The following GREM1 variants were observed in gnomAD, a reference collection of about 807,000 sequenced individuals.
GREM1 encodes gremlin-1.
GREM1 carries 6 observed loss-of-function variants against 13.1 expected under a neutral mutation model. The ratio of observed to expected loss-of-function variants is 0.46; its 90% confidence interval spans 0.25 to 0.91. The LOEUF is 0.91. Among genes scored for constraint, GREM1 ranks in the 40% least tolerant of loss-of-function variants. GREM1 has a pLI of 0.18. For missense variants in GREM1, 185 were observed against 233.9 expected, an observed-to-expected ratio of 0.79 and a Z score of 1.36; for synonymous variants, 98 against 93.7, an observed-to-expected ratio of 1.05 and a Z score of -0.27.
Position 32,731,250 on chromosome 15 carries a change from A to C in GREM1, c.*5A>C. ...ATATCCATCGATTTGGATTAAGCCA[A>C]ATCCAGGTGCACCCAGCATGTCCTA... On this transcript the variant is annotated 3_prime_UTR_variant, in exon 2 of 2. Transcript: ENST00000651154. 1 of 1,607,554 alleles carries C rather than the reference A, an allele frequency of 6.2e-7. No individual in the cohort carries two copies. The highest frequency in any genetic ancestry group is 1.3e-5 in the African/African-American group (1 of 74,932).
In GREM1 at chr15:32,731,816, C is replaced by A; in HGVS notation, c.*571C>A. ...TAAATTAATTCACTTAACCATGATG[C>A]AAATGTTTTTCATTTTGTGAAGACC... On this transcript the variant is annotated 3_prime_UTR_variant, in exon 2 of 2. Coordinates refer to ENST00000651154, the MANE Select transcript of GREM1 (RefSeq NM_013372.7). The A allele has an allele frequency of 4.3e-6, 1 of 233,530 alleles. No individual in the cohort carries two copies. The highest frequency in any genetic ancestry group is 9.2e-6 in the Non-Finnish European group (1 of 109,128). 14.5% of individuals were successfully genotyped at this position (233,530 alleles called of 1,614,324 possible). A position where few individuals can be genotyped will look rare whatever the true frequency, so the allele number is the denominator to read the frequency against.
chr15:32,737,724 C>A lies in GREM1; in HGVS notation c.*6479C>A, dbSNP rs568339406. 6.6e-6 allele frequency: 1 copy of A among 151,380 alleles called. No individual in the cohort carries two copies. The highest frequency in any genetic ancestry group is 1.5e-5 in the Non-Finnish European group (1 of 67,900). 9.4% of individuals were successfully genotyped at this position (151,380 alleles called of 1,614,324 possible). On this transcript the variant is annotated 3_prime_UTR_variant, in exon 2 of 2. Transcript: ENST00000651154. ...GGCGGATCACCTGAGGTCAGGAGTT[C>A]GAGACCAACCTGACCAACATGGAGA...
intron 1 of GREM1, among the ~76,000 whole-genome samples, chr15:32,727,522 A>G (rs1359120079): frequency 6.6e-6 from 1 of 152,224 alleles, no homozygotes; most frequent in African/African-American, 2.4e-5. Context: ...ATTTATGACA[A>G]ACCCACAGCC....
Position 32,735,342 on chromosome 15 carries a change from TCTCA to T in GREM1, c.*4102_*4105del, listed in dbSNP as rs1035886965. ...TGCTAAGGATTTTCTTTGAATTGTT[TCTCA>T]CTCAATCTTCACGGTAGCTCAGTGA... On this transcript the variant is annotated 3_prime_UTR_variant, in exon 2 of 2. Coordinates refer to ENST00000651154, the MANE Select transcript of GREM1 (RefSeq NM_013372.7). The T allele has an allele frequency of 6.6e-5, 10 of 152,192 alleles. No individual in the cohort carries two copies. Among genetic ancestry groups the T allele is most frequent in the Non-Finnish European group, 1.3e-4 (9 of 68,034 alleles). The allele number at this position is 152,192 out of a possible 1,614,324, so 9.4% of individuals were successfully genotyped here. A position where few individuals can be genotyped will look rare whatever the true frequency, so the allele number is the denominator to read the frequency against.
At position 32,738,855 on chromosome 15, in the gene GREM1, C is replaced by T. The variant is rs2055736997; in HGVS notation, c.*7610C>T. Reference sequence around the variant, plus strand: ...GTGTGGTAACATGCACCTGTTGTCCCAGCTACTTAGGAGGCTGAGGCATGA... The same window carrying T: ...GTGTGGTAACATGCACCTGTTGTCCTAGCTACTTAGGAGGCTGAGGCATGA... On this transcript the variant is annotated 3_prime_UTR_variant, in exon 2 of 2. Transcript: ENST00000651154. 6.6e-6 allele frequency: 1 copy of T among 152,130 alleles called. No homozygotes were observed. The highest frequency in any genetic ancestry group is 2.4e-5 in the African/African-American group (1 of 41,418). The allele number at this position is 152,130 out of a possible 1,614,324, so 9.4% of individuals were successfully genotyped here. A position where few individuals can be genotyped will look rare whatever the true frequency, so the allele number is the denominator to read the frequency against.
At chr15:32,728,399 T>A (rs1189218791) in intron 1 of GREM1, among the ~76,000 whole-genome samples, 1 of 152,226 alleles carries the variant, frequency 6.6e-6, no homozygotes, top group Non-Finnish European at 1.5e-5. Flanking sequence ...AAACCTACAG[T>A]TGGAGCAGAA....
At chr15:32,730,026 G>C (rs745826847) in intron 1 of GREM1, among the ~76,000 whole-genome samples, 2 of 152,206 alleles carry the variant, frequency 1.3e-5, no homozygotes, top group Non-Finnish European at 2.9e-5. Flanking sequence ...TCTGAACAGC[G>C]TACCTGGGGA....
intron 1 of GREM1, among the ~76,000 whole-genome samples, chr15:32,729,844 G>A (rs936707962): frequency 1.1e-4 from 11 of 95,722 alleles, no homozygotes; most frequent in Non-Finnish European, 3.1e-4. Flanking sequence ...AATGTATATC[G>A]TGGTACAAAG....
intron 1 of GREM1, among the ~76,000 whole-genome samples, chr15:32,724,420 G>A (rs1348687613): frequency 6.6e-6 from 1 of 152,216 alleles, no homozygotes; most frequent in African/African-American, 2.4e-5. Flanking sequence ...GCCATCCCAT[G>A]TACTCCTCCT....
At position 32,718,084 on chromosome 15, in the gene GREM1, C is replaced by T; in HGVS notation, c.-79C>T. ...TCGGTCCCGCTGACCCCGCGCCGAG[C>T]CCCGGCGGCTCTGGCCGCGGCCGCA... is the stretch of plus-strand genomic sequence containing the variant. On this transcript the variant is annotated 5_prime_UTR_variant, in exon 1 of 2. Transcript: ENST00000651154. The T allele has an allele frequency of 8.2e-7, 1 of 1,220,554 alleles. No homozygotes were observed. The allele number at this position is 1,220,554 out of a possible 1,614,324, so 75.6% of individuals were successfully genotyped here.
intron 1 of GREM1, chr15:32,718,654 G>A (rs1009947341): frequency 9.4e-5 from 34 of 362,066 alleles, no homozygotes; most frequent in Middle Eastern, 1.5e-3. Flanking sequence ...GAGTCCGCGG[G>A]TTGGAGCATC....
chr15:32,733,462 T>C lies in GREM1; in HGVS notation c.*2217T>C, dbSNP rs1283294265. ...TAAGTTGGCAGCAGTAATCTTCTTT[T>C]AGGAGCTTGTACCACAGTCTTGCAC... On this transcript the variant is annotated 3_prime_UTR_variant, in exon 2 of 2. Coordinates refer to ENST00000651154, the MANE Select transcript of GREM1 (RefSeq NM_013372.7). 4.3e-6 allele frequency: 1 copy of C among 231,298 alleles called. No homozygotes were observed. Among genetic ancestry groups the C allele is most frequent in the Non-Finnish European group, 9.3e-6 (1 of 107,512 alleles). 14.3% of individuals were successfully genotyped at this position (231,298 alleles called of 1,614,324 possible). A position where few individuals can be genotyped will look rare whatever the true frequency, so the allele number is the denominator to read the frequency against.
In GREM1 at chr15:32,731,098, T is replaced by C. The variant is rs752018538; in HGVS notation, c.408T>C (p.Gly136=). 6.2e-7 allele frequency: 1 copy of C among 1,614,020 alleles called. No individual in the cohort carries two copies. The highest frequency in any genetic ancestry group is 8.5e-7 in the Non-Finnish European group (1 of 1,179,990). Residue 136 remains glycine, a synonymous_variant, in exon 2 of 2, where the codon GGT becomes GGC. Coordinates refer to ENST00000651154, the MANE Select transcript of GREM1 (RefSeq NM_013372.7). The part of the protein sequence containing the change: ...YIPRHIRKEE[G]SFQSCSFCKP... ...CCAGGCACATCCGGAAGGAGGAAGG[T>C]TCCTTTCAGTCCTGCTCCTTCTGCA...
intron 1 of GREM1, among the ~76,000 whole-genome samples, chr15:32,726,605 C>G (rs936434187): frequency 6.6e-6 from 1 of 151,528 alleles, no homozygotes; most frequent in East Asian, 1.9e-4. Flanking sequence ...CAAGAGCAAA[C>G]AAATTCAAAA....
rs1372466569 is a variant in GREM1 at position 32,733,328 on chromosome 15, G to C, written c.*2083G>C. 4.5e-6 allele frequency: 1 copy of C among 224,480 alleles called. No homozygotes were observed. Among genetic ancestry groups the C allele is most frequent in the Non-Finnish European group, 9.7e-6 (1 of 103,234 alleles). 13.9% of individuals were successfully genotyped at this position (224,480 alleles called of 1,614,324 possible). A position where few individuals can be genotyped will look rare whatever the true frequency, so the allele number is the denominator to read the frequency against. The stretch of plus-strand genomic sequence containing the variant: ...AAGAAAAGGGAAAGAAGCTGAAAAT[G>C]TAAAACCACACCAGGGAGGAAAAAT... On this transcript the variant is annotated 3_prime_UTR_variant, in exon 2 of 2. Transcript: ENST00000651154.
intron 1 of GREM1, among the ~76,000 whole-genome samples, chr15:32,719,253 G>C (rs1184671822): frequency 6.6e-6 from 1 of 152,344 alleles, no homozygotes; most frequent in Middle Eastern, 3.4e-3. Context: ...AAGAACAGAC[G>C]CGCCACCGCT....
Position 32,738,094 on chromosome 15 carries a change from A to AAAAAC in GREM1, c.*6853_*6854insCAAAA, listed in dbSNP as rs2055722192. 1 of 57,472 alleles carries AAAAAC rather than the reference A, an allele frequency of 1.7e-5. No individual in the cohort carries two copies. 3.6% of individuals were successfully genotyped at this position (57,472 alleles called of 1,614,324 possible). A position where few individuals can be genotyped will look rare whatever the true frequency, so the allele number is the denominator to read the frequency against. Reference sequence around the variant, plus strand: ...CTAGGGTAATTAGGCAAAAAAAAAAAAAAAAAAAAAAAAAAAAAAAAAAAA... The same window carrying AAAAAC: ...CTAGGGTAATTAGGCAAAAAAAAAAAAAAACAAAAAAAAAAAAAAAAAAAAAAAAA... On this transcript the variant is annotated 3_prime_UTR_variant, in exon 2 of 2. Coordinates refer to ENST00000651154, the MANE Select transcript of GREM1 (RefSeq NM_013372.7).
rs1002709850 is a variant in GREM1 at position 32,718,080 on chromosome 15, C to T, written c.-83C>T. On this transcript the variant is annotated 5_prime_UTR_variant, in exon 1 of 2. Coordinates refer to ENST00000651154, the MANE Select transcript of GREM1 (RefSeq NM_013372.7). ...ACTCTCGGTCCCGCTGACCCCGCGC[C>T]GAGCCCCGGCGGCTCTGGCCGCGGC... 9 of 1,218,134 alleles carry T rather than the reference C, an allele frequency of 7.4e-6. No individual in the cohort carries two copies. The highest frequency in any genetic ancestry group is 8.3e-6 in the Non-Finnish European group (8 of 966,326). The allele number at this position is 1,218,134 out of a possible 1,614,324, so 75.5% of individuals were successfully genotyped here.
At chr15:32,718,700 G>C (rs1003746933) in intron 1 of GREM1, 3 of 352,114 alleles carry the variant, frequency 8.5e-6, no homozygotes, top group African/African-American at 6.4e-5. Context: ...GCCGATCCCC[G>C]AGGTGAGATG....
Sources: gnomAD v4.1 joint callset for allele counts (sites outside exome capture counted in the v4.1 genomes callset) on GRCh38, gnomAD v4.1.1 for gene constraint, MANE v1.5 for transcripts, NCBI Gene and HGNC (gene_info 2026-07-23, HGNC 2026-07-21) for gene names.